The following INPP4B variants were observed in gnomAD, a reference collection of about 807,000 sequenced individuals.
INPP4B encodes the protein inositol polyphosphate-4-phosphatase type II B, also known as inositol polyphosphate 4-phosphatase type II.
Under a neutral mutation model 122.5 loss-of-function variants are expected in INPP4B, and 55 were observed. The ratio of observed to expected loss-of-function variants is 0.45; its 90% CI spans 0.36 to 0.56. The LOEUF (loss-of-function observed/expected upper bound fraction) is 0.56. INPP4B is among the 20% of genes least tolerant of loss of function. INPP4B has a pLI of 0.00. For synonymous variants in INPP4B, 403 were observed against 388.7 expected, an observed-to-expected ratio of 1.04 and a Z score of -0.43; for missense variants, 1,000 against 1,097.7, an observed-to-expected ratio of 0.91 and a Z score of 1.26.
chr4:142,172,729 T>C (rs1473023969), intron 16 of INPP4B, among the ~76,000 whole-genome samples: 1 of 152,020 alleles, frequency 6.6e-6, no homozygotes, highest in Non-Finnish European at 1.5e-5. Flanking sequence ...TGGACATACA[T>C]AAGATCCAGG....
At chr4:142,802,637 C>T (rs1431690237) in intron 1 of INPP4B, among the ~76,000 whole-genome samples, 1 of 152,110 alleles carries the variant, frequency 6.6e-6, no homozygotes, top group Non-Finnish European at 1.5e-5. Context: ...TAGCATTTTT[C>T]TCAAAGAACT....
chr4:142,075,245 C>T lies in INPP4B; in HGVS notation c.2642+6786G>A, dbSNP rs867572878. Among the ~76,000 whole-genome samples, 70 of 152,068 alleles carry T rather than the reference C, an allele frequency of 4.6e-4. No individual in the cohort carries two copies. In the Middle Eastern group the frequency reaches 0.017, roughly 37 times the overall value. ...GACGACCACATATTTCTATTAATGACCTGTTTTCCCAACTCACCTCCAGAG... is the reference window on the plus strand; with the variant it reads ...GACGACCACATATTTCTATTAATGATCTGTTTTCCCAACTCACCTCCAGAG... On this transcript the variant is annotated intron_variant, in intron 25 of 25. Transcript: ENST00000262992.
intron 2 of INPP4B, among the ~76,000 whole-genome samples, chr4:142,700,316 T>C (rs1240682970): frequency 6.6e-6 from 1 of 152,226 alleles, no homozygotes; most frequent in Non-Finnish European, 1.5e-5. Context: ...CAAATTTAAC[T>C]TAAATAATGA....
Position 142,755,528 on chromosome 4 carries a change from G to GAA in INPP4B, c.-253-29629_-253-29628dup, listed in dbSNP as rs757564658. Among the ~76,000 whole-genome samples the GAA allele has an allele frequency of 9.0e-4, 136 of 151,524 alleles. No homozygotes were observed. The Middle Eastern group carries it at 0.01, about 11-fold the overall frequency. ...AAGAGTTATTGTAAGACAGACTAAA[G>GAA]AAAAAAAATAAAGAAGCCCTTACTT... is the stretch of plus-strand genomic sequence containing the variant. On this transcript the variant is annotated intron_variant, in intron 1 of 25. Coordinates refer to ENST00000262992, the MANE Select transcript of INPP4B (RefSeq NM_001101669.3).
At chr4:142,587,946 A>G (rs1402883573) in intron 2 of INPP4B, among the ~76,000 whole-genome samples, 2 of 151,972 alleles carry the variant, frequency 1.3e-5, no homozygotes, top group Non-Finnish European at 2.9e-5. Context: ...ACAAAAATAT[A>G]TAGAATATCA....
intron 2 of INPP4B, among the ~76,000 whole-genome samples, chr4:142,522,282 T>C (rs72726412): frequency 0.047 from 7,106 of 151,948 alleles, 235 homozygotes; most frequent in Non-Finnish European, 0.072. Context: ...CCATCTACTA[T>C]TGTGTCATGT....
chr4:142,186,766 C>T (rs1833373381), intron 15 of INPP4B, among the ~76,000 whole-genome samples: 1 of 152,100 alleles, frequency 6.6e-6, no homozygotes, highest in Non-Finnish European at 1.5e-5. Context: ...ATTACAAATT[C>T]ACTTATTACA....
intron 2 of INPP4B, among the ~76,000 whole-genome samples, chr4:142,531,056 A>T (rs1827549447): frequency 6.6e-6 from 1 of 152,142 alleles, no homozygotes; most frequent in Non-Finnish European, 1.5e-5. Context: ...AAGCCAGAAG[A>T]GTAGTTGGAA....
At chr4:142,066,718 C>T (rs1453888715) in intron 25 of INPP4B, among the ~76,000 whole-genome samples, 1 of 152,224 alleles carries the variant, frequency 6.6e-6, no homozygotes, top group African/African-American at 2.4e-5. Context: ...CAGAGCCTCA[C>T]TCATTGTTAG....
intron 2 of INPP4B, among the ~76,000 whole-genome samples, chr4:142,543,073 G>T (rs1173403789): frequency 4.6e-5 from 7 of 152,106 alleles, no homozygotes; most frequent in Admixed American, 2.0e-4. Flanking sequence ...TACATTAACA[G>T]AATTGGAACC....
At chr4:142,661,540 T>C (rs1206110205) in intron 2 of INPP4B, among the ~76,000 whole-genome samples, 7 of 152,222 alleles carry the variant, frequency 4.6e-5, no homozygotes, top group Non-Finnish European at 1.5e-5. Context: ...TTTGAGAGTT[T>C]CTCCACCTGC....
chr4:142,466,067 C>G (rs1028829124), intron 2 of INPP4B, among the ~76,000 whole-genome samples: 1 of 151,946 alleles, frequency 6.6e-6, no homozygotes, highest in Admixed American at 6.6e-5. Flanking sequence ...AAAATTGGTA[C>G]CAAGGAATGG....
At chr4:142,542,491 C>A (rs1276657538) in intron 2 of INPP4B, among the ~76,000 whole-genome samples, 2 of 152,114 alleles carry the variant, frequency 1.3e-5, no homozygotes, top group African/African-American at 4.8e-5. Context: ...GTGTCTGATA[C>A]AACATTTAAA....
chr4:142,818,813 C>T (rs1285608724), intron 1 of INPP4B, among the ~76,000 whole-genome samples: 5 of 152,238 alleles, frequency 3.3e-5, no homozygotes, highest in African/African-American at 1.2e-4. Context: ...TATAAAATAG[C>T]AACCACCCAA....
chr4:142,738,801 G>A (rs963025915), intron 1 of INPP4B, among the ~76,000 whole-genome samples: 5 of 152,068 alleles, frequency 3.3e-5, no homozygotes. Context: ...GCGTTCCTAA[G>A]TTAAAAGATC....
intron 25 of INPP4B, among the ~76,000 whole-genome samples, chr4:142,041,624 A>C (rs1845972): frequency 0.19 from 29,071 of 151,824 alleles, 4,295 homozygotes; most frequent in African/African-American, 0.41. Flanking sequence ...ATCTCAAATA[A>C]TACTACTACT....
At chr4:142,403,324 C>G (rs918952582) in intron 6 of INPP4B, among the ~76,000 whole-genome samples, 1 of 152,076 alleles carries the variant, frequency 6.6e-6, no homozygotes, top group Non-Finnish European at 1.5e-5. Flanking sequence ...TCTACAGAAC[C>G]CTTCTTTAGG....
chr4:142,662,703 G>A (rs1755417239), intron 2 of INPP4B, among the ~76,000 whole-genome samples: 1 of 152,168 alleles, frequency 6.6e-6, no homozygotes, highest in African/African-American at 2.4e-5. Flanking sequence ...ATGATTCCAT[G>A]GAGAAAAACT....
chr4:142,585,200 C>T (rs1055504316), intron 2 of INPP4B, among the ~76,000 whole-genome samples: 4 of 152,150 alleles, frequency 2.6e-5, no homozygotes, highest in African/African-American at 9.7e-5. Context: ...CCCTAGACTC[C>T]AGCTAAATTC....
Sources: gnomAD v4.1 joint callset for allele counts (sites outside exome capture counted in the v4.1 genomes callset) on GRCh38, gnomAD v4.1.1 for gene constraint, MANE v1.5 for transcripts, NCBI Gene and HGNC (gene_info 2026-07-23, HGNC 2026-07-21) for gene names.